WNK3: variants seen among roughly 807,000 people sequenced by gnomAD.
WNK3 encodes the protein WNK lysine deficient protein kinase 3.
In WNK3, 18 loss-of-function variants were observed where a neutral mutation model predicts 116.7. The ratio of observed to expected loss-of-function variants is 0.15; its 90% CI spans 0.11 to 0.23. The LOEUF (loss-of-function observed/expected upper bound fraction) is 0.23. Ranked by LOEUF, WNK3 falls within the 10% of genes least tolerant of loss-of-function variation. The pLI is 1.00. For missense variants in WNK3, 993 were observed against 1,323.8 expected, an observed-to-expected ratio of 0.75 and a Z score of 3.88; for synonymous variants, 404 against 469.4, an observed-to-expected ratio of 0.86 and a Z score of 1.80.
chrX:54,265,742 T>C (rs1279390952), intron 10 of WNK3, among the ~76,000 whole-genome samples: 1 of 112,770 alleles, frequency 8.9e-6, no homozygotes, highest in Non-Finnish European at 1.9e-5. Context: ...AGGAGACTAC[T>C]ACAATTATTC....
chrX:54,332,814 G>A (rs2069185126), intron 2 of WNK3, among the ~76,000 whole-genome samples: 1 of 104,277 alleles, frequency 9.6e-6, no homozygotes, highest in African/African-American at 3.5e-5. Flanking sequence ...GCAGTGAGCC[G>A]AGACTGCACC....
chrX:54,226,915 A>AT (rs199947411), intron 22 of WNK3, among the ~76,000 whole-genome samples: 3 of 111,496 alleles, frequency 2.7e-5, no homozygotes, highest in African/African-American at 6.5e-5. Context: ...TAGGCAATAG[A>AT]TTTTTTTTCT....
intron 18 of WNK3, 95 bp from the exon 19 acceptor site, chrX:54,238,567 G>T: frequency 1.1e-6 from 1 of 873,874 alleles, no homozygotes; most frequent in Non-Finnish European, 1.6e-6. Flanking sequence ...AGTAGAAAAA[G>T]CTTAACTCCT....
intron 10 of WNK3, among the ~76,000 whole-genome samples, chrX:54,262,024 T>G (rs1569537008): frequency 8.9e-6 from 1 of 111,736 alleles, no homozygotes; most frequent in Non-Finnish European, 1.9e-5. Flanking sequence ...TTCCTCTACA[T>G]TTGGTATTTG....
exon 21 of WNK3, chrX:54,232,972 C>T (rs1557149359): frequency 1.7e-6 from 2 of 1,210,942 alleles, no homozygotes. Flanking sequence ...AGAGCTCCTG[C>T]AGCTCCTTAT....
exon 24 of WNK3, chrX:54,193,831 C>T (rs1187584365): frequency 9.0e-6 from 1 of 111,345 alleles, no homozygotes; most frequent in East Asian, 2.8e-4. Context: ...CCTATCAAAT[C>T]AAAGGCCTTT....
intron 1 of WNK3, among the ~76,000 whole-genome samples, chrX:54,334,935 T>C (rs2069215492): frequency 9.0e-6 from 1 of 111,537 alleles, no homozygotes; most frequent in East Asian, 2.8e-4. Flanking sequence ...TTTAATTAAG[T>C]ATCTCAAAAT....
chrX:54,309,076 A>T lies in WNK3; in HGVS notation c.931+19T>A, dbSNP rs2068857723. The stretch of plus-strand genomic sequence containing the variant: ...AAATCTCTCTTTACCCAACCAGTAA[A>T]CTGTAAAACTTTAATCACCAATGAC... On this transcript the variant is annotated intron_variant, in intron 4 of 23. Transcript: ENST00000354646. 1.7e-6 allele frequency: 2 copies of T among 1,185,757 alleles called. No homozygotes were observed. Among genetic ancestry groups the T allele is most frequent in the African/African-American group, 3.5e-5 (2 of 57,389 alleles).
At chrX:54,320,082 A>C (rs1442288107) in intron 2 of WNK3, among the ~76,000 whole-genome samples, 1 of 112,174 alleles carries the variant, frequency 8.9e-6, no homozygotes, top group Non-Finnish European at 1.9e-5. Flanking sequence ...GCTGATAAAT[A>C]GGAGTCAAAT....
chrX:54,308,988 T>G, intron 4 of WNK3, 107 bp downstream of exon 4: 3 of 602,285 alleles, frequency 5.0e-6, no homozygotes, highest in Non-Finnish European at 7.8e-6. Context: ...AAACAGGCAG[T>G]GAGCCACATT....
At chrX:54,294,132 T>C (rs941848542) in intron 8 of WNK3, among the ~76,000 whole-genome samples, 1 of 111,013 alleles carries the variant, frequency 9.0e-6, no homozygotes, top group Non-Finnish European at 1.9e-5. Context: ...CAGTGAATCA[T>C]GATCACACCA....
chrX:54,232,520 C>T (rs2067913667), intron 21 of WNK3, among the ~76,000 whole-genome samples: 2 of 111,864 alleles, frequency 1.8e-5, no homozygotes, highest in Admixed American at 9.5e-5. Flanking sequence ...TTCCCACTGA[C>T]TGATAACATT....
chrX:54,339,094 T>C (rs2069284492), intron 1 of WNK3, among the ~76,000 whole-genome samples: 1 of 110,283 alleles, frequency 9.1e-6, no homozygotes, highest in Non-Finnish European at 1.9e-5. Context: ...CAAAAATATG[T>C]TACTAGAGAA....
intron 10 of WNK3, among the ~76,000 whole-genome samples, chrX:54,265,454 T>C (rs901863495): frequency 6.3e-5 from 7 of 110,672 alleles, no homozygotes; most frequent in Non-Finnish European, 1.3e-4. Context: ...GCAACTGCAC[T>C]CCAGCCTGGG....
chrX:54,343,128 G>C (rs1258315137), intron 1 of WNK3, among the ~76,000 whole-genome samples: 2 of 110,074 alleles, frequency 1.8e-5, no homozygotes, highest in African/African-American at 6.6e-5. Flanking sequence ...TGGGATTATA[G>C]GCATGAGTCA....
chrX:54,198,649 G>C (rs1459930052), exon 24 of WNK3: 1 of 1,164,130 alleles, frequency 8.6e-7, no homozygotes, highest in Non-Finnish European at 1.1e-6. Context: ...AGTAGACGGA[G>C]TATTCTAAGA....
At chrX:54,223,577 C>T (rs182457611) in intron 22 of WNK3, 1 of 113,902 alleles carries the variant, frequency 8.8e-6, no homozygotes, top group Non-Finnish European at 1.9e-5. Context: ...ACCAGTTTAC[C>T]TAGGCCTTGG....
chrX:54,265,480 C>G (rs887890514), intron 10 of WNK3, among the ~76,000 whole-genome samples: 7 of 109,920 alleles, frequency 6.4e-5, no homozygotes, highest in Non-Finnish European at 1.3e-4. Flanking sequence ...GAGCGAGACT[C>G]CGTCTGAAAA....
At chrX:54,270,250 C>T (rs1487417324) in intron 10 of WNK3, among the ~76,000 whole-genome samples, 1 of 109,723 alleles carries the variant, frequency 9.1e-6, no homozygotes, top group East Asian at 2.9e-4. Context: ...GGACTACAGG[C>T]ATGCACCACC....
Sources: gnomAD v4.1 joint callset for allele counts (sites outside exome capture counted in the v4.1 genomes callset) on GRCh38, gnomAD v4.1.1 for gene constraint, MANE v1.5 for transcripts, NCBI Gene and HGNC (gene_info 2026-07-23, HGNC 2026-07-21) for gene names.